Variants in CBR4 observed in about 807,000 individuals in gnomAD.
CBR4 encodes carbonyl reductase 4.
A neutral mutation model predicts 21.0 loss-of-function variants in CBR4; 22 were observed. The observed-to-expected ratio is 1.05, with a 90% CI of 0.75 to 1.50. The LOEUF is 1.50. Among genes scored for constraint, CBR4 ranks in the 40% most tolerant of loss-of-function variants. The probability of loss-of-function intolerance (pLI) is 0.00; values close to 1 mark genes in which losing one functional copy is unlikely to be tolerated. For synonymous variants in CBR4, 100 were observed against 104.4 expected, an observed-to-expected ratio of 0.96 and a Z score of 0.26; for missense variants, 302 against 286.3, an observed-to-expected ratio of 1.05 and a Z score of -0.40.
At chr4:168,985,957 T>A (rs1764678532), downstream of CBR4, among the ~76,000 whole-genome samples, 1 of 152,030 alleles carries the variant, frequency 6.6e-6, no homozygotes, top group Non-Finnish European at 1.5e-5. Flanking sequence ...CTATCAGGTA[T>A]TATGCTGATG....
rs138874337 is a variant in CBR4, at chr4:168,929,190, T to TAC, written n.170-34427_170-34426dup. On this transcript the variant is annotated intron_variant and non_coding_transcript_variant, in intron 2 of 3. Transcript: ENST00000509108. ...ATAAATGGAACAAGGAATGAGATAT[T>TAC]ACACACACACACACACCCATATTCA... Among the ~76,000 whole-genome samples the TAC allele has an allele frequency of 2.9e-3, 444 of 151,464 alleles. 1 individual carries two copies. The highest frequency in any genetic ancestry group is 8.5e-3 in the East Asian group (44 of 5,170).
chr4:168,954,280 A>T (rs1219952362), intron 2 of CBR4, among the ~76,000 whole-genome samples: 1 of 152,224 alleles, frequency 6.6e-6, no homozygotes, highest in Non-Finnish European at 1.5e-5. Context: ...TTCTGAGGAA[A>T]ATGTTTCCAA....
At chr4:168,957,505 C>A (rs899664800) in intron 2 of CBR4, among the ~76,000 whole-genome samples, 4 of 152,138 alleles carry the variant, frequency 2.6e-5, no homozygotes, top group African/African-American at 9.7e-5. Flanking sequence ...GTAACTCATT[C>A]ATTTAAAGTG....
intron 4 of CBR4, among the ~76,000 whole-genome samples, chr4:168,994,167 A>AT (rs1192136631): frequency 1.3e-5 from 2 of 152,256 alleles, no homozygotes; most frequent in African/African-American, 4.8e-5. Flanking sequence ...TAGATGATAG[A>AT]TTAACTAAAA....
intron 2 of CBR4, chr4:168,927,420 A>C (rs539964745): frequency 8.6e-6 from 2 of 232,726 alleles, no homozygotes; most frequent in Non-Finnish European, 1.7e-5. Context: ...CATGCTGTGG[A>C]GATTGCAGTG....
intron 2 of CBR4, among the ~76,000 whole-genome samples, chr4:168,975,130 G>C (rs1292054453): frequency 6.6e-6 from 1 of 152,150 alleles, no homozygotes; most frequent in Non-Finnish European, 1.5e-5. Flanking sequence ...CTTCCTCTAG[G>C]AATGGGGCTT....
chr4:168,894,754 T>G (rs1050917985), exon 3 of CBR4: 11 of 1,558,994 alleles, frequency 7.1e-6, no homozygotes, highest in Non-Finnish European at 8.7e-6. Flanking sequence ...GATACTGTTC[T>G]TGGGATGAGT....
intron 2 of CBR4, among the ~76,000 whole-genome samples, chr4:168,969,538 A>G (rs1764141301): frequency 6.6e-6 from 1 of 152,166 alleles, no homozygotes; most frequent in Non-Finnish European, 1.5e-5. Flanking sequence ...TGGTCAGAAA[A>G]CAGCAGCAGA....
At chr4:168,912,754 A>G (rs993999069) in intron 2 of CBR4, among the ~76,000 whole-genome samples, 1 of 152,196 alleles carries the variant, frequency 6.6e-6, no homozygotes, top group Non-Finnish European at 1.5e-5. Context: ...TCTTCCAGCT[A>G]TATGAAAATA....
chr4:169,008,735 T>C (rs1731131729), intron 1 of CBR4, among the ~76,000 whole-genome samples: 1 of 152,148 alleles, frequency 6.6e-6, no homozygotes, highest in African/African-American at 2.4e-5. Context: ...CAGCAAACAC[T>C]GATGGCTTGG....
downstream of CBR4, among the ~76,000 whole-genome samples, chr4:168,982,728 C>T (rs1764579465): frequency 6.6e-6 from 1 of 152,114 alleles, no homozygotes; most frequent in African/African-American, 2.4e-5. Flanking sequence ...ACTCTCATAC[C>T]ACAGCACAGT....
intron 2 of CBR4, among the ~76,000 whole-genome samples, chr4:168,970,634 C>T (rs572926135): frequency 2.0e-5 from 3 of 151,938 alleles, no homozygotes; most frequent in Admixed American, 1.3e-4. Context: ...GTCCCTCACC[C>T]CCCTCCCACC....
At chr4:168,934,538 G>A (rs1209253289) in intron 2 of CBR4, among the ~76,000 whole-genome samples, 2 of 151,972 alleles carry the variant, frequency 1.3e-5, no homozygotes, top group African/African-American at 2.4e-5. Flanking sequence ...AGGATCATTA[G>A]AATCTATCAT....
At position 168,988,256 on chromosome 4, in the gene CBR4, A is replaced by T. The variant is rs1764759787; in HGVS notation, c.*1894T>A. 1 of 985,298 alleles carries T rather than the reference A, an allele frequency of 1.0e-6. No individual in the cohort carries two copies. Among genetic ancestry groups the T allele is most frequent in the South Asian group, 4.7e-5 (1 of 21,294 alleles). The allele number at this position is 985,298 out of a possible 1,614,324, so 61.0% of individuals were successfully genotyped here. A position where few individuals can be genotyped will look rare whatever the true frequency, so the allele number is the denominator to read the frequency against. On this transcript the variant is annotated 3_prime_UTR_variant, in exon 5 of 5. Coordinates refer to ENST00000306193, the MANE Select transcript of CBR4 (RefSeq NM_032783.5). ...TCAAGATCTCTCCATATATTCCACC[A>T]GTTTGAGATAGGCTGGGGGAGGAGG...
At chr4:168,965,910 T>C (rs1232885488) in intron 2 of CBR4, among the ~76,000 whole-genome samples, 2 of 151,740 alleles carry the variant, frequency 1.3e-5, no homozygotes, top group Non-Finnish European at 2.9e-5. Flanking sequence ...TGGGATCTAA[T>C]TAAAGAGCTT....
At chr4:169,007,504 G>A (rs1870305) in intron 2 of CBR4, 132 bp downstream of exon 2, 336,850 of 464,696 alleles carry the variant, frequency 0.72, 126,208 homozygotes, top group East Asian at 0.95. Context: ...TTTATGGATT[G>A]ACAAGTTTTA....
At chr4:168,966,804 G>A (rs1364376914) in intron 2 of CBR4, among the ~76,000 whole-genome samples, 1 of 152,058 alleles carries the variant, frequency 6.6e-6, no homozygotes, top group Non-Finnish European at 1.5e-5. Context: ...GGATCACAAG[G>A]TCAGGAGATC....
At chr4:168,920,557 CA>C (rs1287720198) in intron 2 of CBR4, among the ~76,000 whole-genome samples, 3 of 152,128 alleles carry the variant, frequency 2.0e-5, no homozygotes, top group African/African-American at 7.2e-5. Context: ...CATTCAAAAT[CA>C]AGGGCAAAAC....
rs77665357 is a variant in CBR4 at position 168,989,961 on chromosome 4, CAA to C, written c.*187_*188del. The C allele has an allele frequency of 9.6e-4, 976 of 1,011,724 alleles. No homozygotes were observed. The highest frequency in any genetic ancestry group is 2.6e-3 in the East Asian group (64 of 24,630). The allele number at this position is 1,011,724 out of a possible 1,614,324, so 62.7% of individuals were successfully genotyped here. A position where few individuals can be genotyped will look rare whatever the true frequency, so the allele number is the denominator to read the frequency against. ...AAAACAACACTGATGTAACTTAGAC[CAA>C]AAAAAAAAAAACCACAATTTGTCAC... On this transcript the variant is annotated 3_prime_UTR_variant, in exon 5 of 5. Transcript: ENST00000306193.
Sources: gnomAD v4.1 joint callset for allele counts (sites outside exome capture counted in the v4.1 genomes callset) on GRCh38, gnomAD v4.1.1 for gene constraint, MANE v1.5 for transcripts, NCBI Gene and HGNC (gene_info 2026-07-23, HGNC 2026-07-21) for gene names.